ABHD12: variants seen among roughly 807,000 people sequenced by gnomAD.
The protein encoded by ABHD12 is lysophosphatidylserine lipase ABHD12.
In ABHD12, 43 loss-of-function variants were observed where a neutral mutation model predicts 58.3. That is an observed-to-expected ratio of 0.74 (90% confidence interval 0.58 to 0.95). ABHD12 has a LOEUF of 0.95. Ranked by LOEUF, ABHD12 falls within the 40% of genes least tolerant of loss-of-function variation. The probability of loss-of-function intolerance (pLI) is 0.00; values close to 1 mark genes in which losing one functional copy is unlikely to be tolerated. For synonymous variants in ABHD12, 219 were observed against 211.2 expected (o/e 1.04, Z -0.32); for missense variants, 539 against 537.2 (o/e 1.00, Z -0.03).
intron 2 of ABHD12, among the ~76,000 whole-genome samples, chr20:25,336,559 C>T (rs1057382521): frequency 1.3e-5 from 2 of 152,148 alleles, no homozygotes; most frequent in African/African-American, 4.8e-5. Context: ...TGTCTGGGCA[C>T]AAGAGCAGAG....
At chr20:25,334,423 A>G (rs1413926525) in intron 2 of ABHD12, among the ~76,000 whole-genome samples, 6 of 151,232 alleles carry the variant, frequency 4.0e-5, no homozygotes, top group Admixed American at 6.6e-5. Flanking sequence ...CAAGCTACCA[A>G]TGACTTTCTT....
chr20:25,326,053 AGAGT>A (rs550268038), intron 2 of ABHD12, among the ~76,000 whole-genome samples: 271 of 144,464 alleles, frequency 1.9e-3, no homozygotes, highest in African/African-American at 6.5e-3. Flanking sequence ...CCTTGATGAA[AGAGT>A]GAGACTCTGT....
intron 2 of ABHD12, among the ~76,000 whole-genome samples, chr20:25,337,962 TAC>T (rs974140214): frequency 5.3e-5 from 8 of 152,210 alleles, no homozygotes; most frequent in Non-Finnish European, 7.3e-5. Flanking sequence ...ACATGTGTTT[TAC>T]AGTTATTTTA....
intron 6 of ABHD12, among the ~76,000 whole-genome samples, chr20:25,314,678 T>TA (rs767083258): frequency 2.6e-3 from 348 of 134,350 alleles, no homozygotes; most frequent in African/African-American, 4.0e-3. Context: ...GATCCTATCT[T>TA]AAAAAAAAAA....
intron 4 of ABHD12, among the ~76,000 whole-genome samples, chr20:25,317,972 T>C (rs1248809316): frequency 1.3e-5 from 2 of 152,182 alleles, no homozygotes; most frequent in African/African-American, 2.4e-5. Context: ...GGAGTGTTGC[T>C]GGTTGGACAC....
rs187442848 is a variant in ABHD12 at position 25,300,214 on chromosome 20, G to C, written c.*631C>G. 1.5e-5 allele frequency: 15 copies of C among 997,662 alleles called. No homozygotes were observed. Among genetic ancestry groups the C allele is most frequent in the Non-Finnish European group, 1.8e-5 (15 of 836,542 alleles). The allele number at this position is 997,662 out of a possible 1,614,324, so 61.8% of individuals were successfully genotyped here. On this transcript the variant is annotated 3_prime_UTR_variant, in exon 13 of 13. Coordinates refer to ENST00000339157, the MANE Select transcript of ABHD12 (RefSeq NM_001042472.3). Reference sequence around the variant, plus strand: ...TTCTCGCGCTGCAGAGAGACAAAAGGACCACCACCACGATTTTATTCTTAA... The same window carrying C: ...TTCTCGCGCTGCAGAGAGACAAAAGCACCACCACCACGATTTTATTCTTAA...
At position 25,322,381 on chromosome 20, in the gene ABHD12, A is replaced by ATATATATATATATATATATTTTTTTT; in HGVS notation, c.422+943_422+944insAAAAAAAATATATATATATATATATA. Among the ~76,000 whole-genome samples, 84 of 59,156 alleles carry ATATATATATATATATATATTTTTTTT rather than the reference A, an allele frequency of 1.4e-3. 1 individual carries two copies. Among genetic ancestry groups the ATATATATATATATATATATTTTTTTT allele is most frequent in the Admixed American group, 7.8e-3 (37 of 4,718 alleles). 38.8% of individuals were successfully genotyped at this position (59,156 alleles called of 152,430 possible). A position where few individuals can be genotyped will look rare whatever the true frequency, so the allele number is the denominator to read the frequency against. On this transcript the variant is annotated intron_variant, in intron 3 of 12. Transcript: ENST00000339157. ...GGAAAAGATATATATATATATATATATTTTTTTTTTTTTTTGAGACAAGAG... is the reference window on the plus strand; with the variant it reads ...GGAAAAGATATATATATATATATATATATATATATATATATATATTTTTTTTTTTTTTTTTTTTTTTGAGACAAGAG...
intron 2 of ABHD12, 61 bp from the exon 3 acceptor site, chr20:25,323,491 A>G: frequency 9.7e-7 from 1 of 1,030,010 alleles, no homozygotes; most frequent in Non-Finnish European, 1.5e-6. Flanking sequence ...ACATGTACAC[A>G]CAAACATGCA....
chr20:25,363,553 T>C (rs2089781312), intron 1 of ABHD12, among the ~76,000 whole-genome samples: 2 of 152,114 alleles, frequency 1.3e-5, no homozygotes, highest in African/African-American at 2.4e-5. Flanking sequence ...GTTGATGAGA[T>C]GGATGCCTTT....
chr20:25,389,116 T>C (rs1600896882), intron 1 of ABHD12, among the ~76,000 whole-genome samples: 2 of 152,354 alleles, frequency 1.3e-5, no homozygotes, highest in African/African-American at 4.8e-5. Context: ...ATTTGATTTT[T>C]TCGAAGGAAG....
At chr20:25,318,526 G>GGGAT (rs1248984586) in intron 4 of ABHD12, among the ~76,000 whole-genome samples, 2 of 152,152 alleles carry the variant, frequency 1.3e-5, no homozygotes, top group East Asian at 3.9e-4. Context: ...AAACCCCAGT[G>GGGAT]GGATGCACAG....
chr20:25,299,660 G>A (rs1049344739), downstream of ABHD12, among the ~76,000 whole-genome samples: 11 of 152,144 alleles, frequency 7.2e-5, no homozygotes, highest in African/African-American at 2.7e-4. Flanking sequence ...CTCCCCTAGG[G>A]GTTCCTATAG....
intron 1 of ABHD12, chr20:25,339,728 C>T: frequency 7.4e-7 from 1 of 1,352,066 alleles, no homozygotes. Context: ...CCTCAGGCCT[C>T]CCGATCCGTC....
chr20:25,311,243 C>T (rs2088843948), intron 6 of ABHD12, among the ~76,000 whole-genome samples: 1 of 152,160 alleles, frequency 6.6e-6, no homozygotes, highest in Non-Finnish European at 1.5e-5. Context: ...GGGGGTGATC[C>T]TGGACAAGCT....
chr20:25,336,720 T>C (rs6083805), intron 2 of ABHD12, among the ~76,000 whole-genome samples: 86,781 of 152,056 alleles, frequency 0.57, 25,525 homozygotes, highest in African/African-American at 0.63. Context: ...GAAGACTGCC[T>C]TTCCTCCCAA....
chr20:25,322,382 T>TATA (rs1491359839), intron 3 of ABHD12, among the ~76,000 whole-genome samples: 12 of 38,286 alleles, frequency 3.1e-4, no homozygotes, highest in Admixed American at 1.9e-3. Flanking sequence ...TATATATATA[T>TATA]TTTTTTTTTT....
chr20:25,363,300 C>A (rs1489226298), intron 1 of ABHD12, among the ~76,000 whole-genome samples: 1 of 150,086 alleles, frequency 6.7e-6, no homozygotes, highest in African/African-American at 2.5e-5. Context: ...CTCACCACAA[C>A]CTCCGCCTCC....
chr20:25,309,676 A>AG (rs2088812996), intron 6 of ABHD12, 101 bp from the exon 7 acceptor site: 2 of 1,556,024 alleles, frequency 1.3e-6, no homozygotes, highest in African/African-American at 2.7e-5. Flanking sequence ...GGAGACAGGG[A>AG]GGGGCCCGCT....
chr20:25,308,324 T>A, intron 8 of ABHD12, 133 bp downstream of exon 8: 1 of 1,152,850 alleles, frequency 8.7e-7, no homozygotes, highest in Non-Finnish European at 1.3e-6. Flanking sequence ...GAAGGGTGGC[T>A]GGTCAGCCCC....
Sources: gnomAD v4.1 joint callset for allele counts (sites outside exome capture counted in the v4.1 genomes callset) on GRCh38, gnomAD v4.1.1 for gene constraint, MANE v1.5 for transcripts, NCBI Gene and HGNC (gene_info 2026-07-23, HGNC 2026-07-21) for gene names.